The following TTC9 variants were observed in gnomAD, a reference collection of about 807,000 sequenced individuals.
TTC9 encodes the protein tetratricopeptide repeat protein 9A.
A neutral mutation model predicts 22.9 loss-of-function variants in TTC9; 13 were observed. That is an observed-to-expected ratio of 0.57 (90% CI 0.37 to 0.90). TTC9 has a LOEUF of 0.90. TTC9 is among the 40% of genes least tolerant of loss of function. The probability of loss-of-function intolerance (pLI) is 0.01; values close to 1 mark genes in which losing one functional copy is unlikely to be tolerated. For missense variants in TTC9, 280 were observed against 291.8 expected (o/e 0.96, Z 0.29); for synonymous variants, 148 against 133.2 (o/e 1.11, Z -0.77).
intron 1 of TTC9, among the ~76,000 whole-genome samples, chr14:70,655,420 C>A (rs1355283116): frequency 1.4e-5 from 2 of 146,046 alleles, no homozygotes; most frequent in African/African-American, 2.5e-5. Flanking sequence ...AAAAAAAAAA[C>A]AAAGAAGAAG....
intron 1 of TTC9, among the ~76,000 whole-genome samples, chr14:70,653,867 G>A (rs1158102379): frequency 1.3e-5 from 2 of 152,222 alleles, no homozygotes; most frequent in African/African-American, 4.8e-5. Context: ...TAACAAGAAA[G>A]AAGGCTTTCT....
Position 70,672,172 on chromosome 14 carries a change from C to T in TTC9, c.*1017C>T, listed in dbSNP as rs1027051251. 6.6e-6 allele frequency: 1 copy of T among 152,266 alleles called. No individual in the cohort carries two copies. The highest frequency in any genetic ancestry group is 6.5e-5 in the Admixed American group (1 of 15,284). The allele number at this position is 152,266 out of a possible 1,614,324, so 9.4% of individuals were successfully genotyped here. On this transcript the variant is annotated 3_prime_UTR_variant, in exon 3 of 3. Transcript: ENST00000256367. Reference sequence around the variant, plus strand: ...TTTGTCCAGTGGCAGACAATGGTGGCTACAGCCTTTGTGCTTTTAAGAGTG... The same window carrying T: ...TTTGTCCAGTGGCAGACAATGGTGGTTACAGCCTTTGTGCTTTTAAGAGTG...
intron 1 of TTC9, among the ~76,000 whole-genome samples, chr14:70,652,022 C>T (rs1268562236): frequency 2.0e-5 from 3 of 152,032 alleles, no homozygotes; most frequent in Admixed American, 2.0e-4. Flanking sequence ...GGCTCTGCTG[C>T]TAACTTGTTC....
intron 1 of TTC9, among the ~76,000 whole-genome samples, chr14:70,659,422 G>C (rs1886114716): frequency 6.6e-6 from 1 of 152,128 alleles, no homozygotes; most frequent in African/African-American, 2.4e-5. Flanking sequence ...GATAGGTGTT[G>C]TTTCAGGAAG....
rs1319154947 is a variant in TTC9, at chr14:70,642,116, G to C, written c.-14G>C. 2.7e-6 allele frequency: 3 copies of C among 1,109,324 alleles called. No individual in the cohort carries two copies. The highest frequency in any genetic ancestry group is 3.3e-6 in the Non-Finnish European group (3 of 909,818). 68.7% of individuals were successfully genotyped at this position (1,109,324 alleles called of 1,614,324 possible). A position where few individuals can be genotyped will look rare whatever the true frequency, so the allele number is the denominator to read the frequency against. ...CAGATCGCGGCGCGCACCAGGCGCC[G>C]GGGCGGCGGCCGAATGGAGAGAAAG... On this transcript the variant is annotated 5_prime_UTR_variant, in exon 1 of 3. Transcript: ENST00000256367.
rs913663161 is a variant in TTC9, at chr14:70,673,429, A to T, written c.*2274A>T. On this transcript the variant is annotated 3_prime_UTR_variant, in exon 3 of 3. Coordinates refer to ENST00000256367, the MANE Select transcript of TTC9 (RefSeq NM_015351.2). ...AGCTCACTCTCTGGAGAAGAGGAAA[A>T]GGAAGAAGCTATTTCAGCTGCCACA... is the stretch of plus-strand genomic sequence containing the variant. The T allele has an allele frequency of 1.3e-5, 2 of 152,234 alleles. No individual in the cohort carries two copies. Among genetic ancestry groups the T allele is most frequent in the African/African-American group, 2.4e-5 (1 of 41,438 alleles). The allele number at this position is 152,234 out of a possible 1,614,324, so 9.4% of individuals were successfully genotyped here.
intron 1 of TTC9, among the ~76,000 whole-genome samples, chr14:70,661,651 TGAG>T (rs1886146218): frequency 6.6e-6 from 1 of 152,030 alleles, no homozygotes; most frequent in Non-Finnish European, 1.5e-5. Flanking sequence ...GGTGCCAGAG[TGAG>T]GAGAACTCAA....
intron 1 of TTC9, among the ~76,000 whole-genome samples, chr14:70,666,944 G>C (rs1169076678): frequency 6.6e-6 from 1 of 152,126 alleles, no homozygotes; most frequent in African/African-American, 2.4e-5. Flanking sequence ...CCCACAAACT[G>C]GGTGACTTGA....
At position 70,655,746 on chromosome 14, in the gene TTC9, A is replaced by T. The variant is rs1375033231; in HGVS notation, c.407-11818A>T. 2.6e-5 allele frequency among the ~76,000 whole-genome samples: 4 copies of T among 152,272 alleles called. No individual in the cohort carries two copies. The East Asian group carries it at 7.7e-4, about 29-fold the overall frequency. On this transcript the variant is annotated intron_variant, in intron 1 of 2. Transcript: ENST00000256367. ...CTTCCTTTTCACATTCCACAGCACC[A>T]CTACACCCAGATGTATAATTTCACT...
intron 1 of TTC9, among the ~76,000 whole-genome samples, chr14:70,667,325 G>C (rs182626654): frequency 4.1e-4 from 63 of 152,328 alleles, no homozygotes; most frequent in Middle Eastern, 3.4e-3. Flanking sequence ...GGTGGTGGAA[G>C]GGTGGGCATA....
At chr14:70,656,226 C>T (rs1886064612) in intron 1 of TTC9, among the ~76,000 whole-genome samples, 1 of 151,454 alleles carries the variant, frequency 6.6e-6, no homozygotes, top group Non-Finnish European at 1.5e-5. Context: ...CACACACACA[C>T]ACACACACAC....
intron 1 of TTC9, among the ~76,000 whole-genome samples, chr14:70,664,229 G>A (rs1886182117): frequency 6.6e-6 from 1 of 151,850 alleles, no homozygotes; most frequent in Admixed American, 6.6e-5. Flanking sequence ...GAGCAATCAG[G>A]AGGCAGCCAG....
intron 2 of TTC9, among the ~76,000 whole-genome samples, chr14:70,669,625 A>T (rs1414823754): frequency 6.6e-6 from 1 of 151,250 alleles, no homozygotes; most frequent in Non-Finnish European, 1.5e-5. Context: ...AAAAGTCTTT[A>T]AAAAACTTTA....
chr14:70,642,357 C>T lies in TTC9; in HGVS notation c.228C>T (p.Ala76=), dbSNP rs1885829300. ...ACAAGGACAAGAAATTCCGTGAAGC[C>T]ATAGGCAAATACCACCGGGCGTTGC... ...QCYKDKKFRE[A]IGKYHRALLE... The change falls in exon 1 of 3, where the codon GCC becomes GCT. Residue 76 remains alanine, a synonymous_variant. Coordinates refer to ENST00000256367, the MANE Select transcript of TTC9 (RefSeq NM_015351.2). 1 of 1,604,490 alleles carries T rather than the reference C, an allele frequency of 6.2e-7. No individual in the cohort carries two copies. The highest frequency in any genetic ancestry group is 8.5e-7 in the Non-Finnish European group (1 of 1,176,242).
chr14:70,656,210 T>TACACACACACAC (rs34334641), intron 1 of TTC9, among the ~76,000 whole-genome samples: 6,517 of 147,946 alleles, frequency 0.044, 192 homozygotes, highest in Middle Eastern at 0.087. Context: ...TTCACCCTGA[T>TACACACACACAC]ACACACACAC....
chr14:70,664,538 C>T (rs948631036), intron 1 of TTC9, among the ~76,000 whole-genome samples: 1 of 152,106 alleles, frequency 6.6e-6, no homozygotes, highest in Admixed American at 6.5e-5. Context: ...CCAGCCTGAC[C>T]AATATGGTGA....
At position 70,671,851 on chromosome 14, in the gene TTC9, A is replaced by G. The variant is rs1332053365; in HGVS notation, c.*696A>G. 1 of 152,130 alleles carries G rather than the reference A, an allele frequency of 6.6e-6. No individual in the cohort carries two copies. Among genetic ancestry groups the G allele is most frequent in the African/African-American group, 2.4e-5 (1 of 41,326 alleles). 9.4% of individuals were successfully genotyped at this position (152,130 alleles called of 1,614,324 possible). A position where few individuals can be genotyped will look rare whatever the true frequency, so the allele number is the denominator to read the frequency against. On this transcript the variant is annotated 3_prime_UTR_variant, in exon 3 of 3. Transcript: ENST00000256367. Reference sequence around the variant, plus strand: ...ACACATACCATTCCCCCGGACTCCCACCCAGCAGGCAGCTGTGACCGCAGA... The same window carrying G: ...ACACATACCATTCCCCCGGACTCCCGCCCAGCAGGCAGCTGTGACCGCAGA...
intron 1 of TTC9, among the ~76,000 whole-genome samples, chr14:70,666,295 G>A (rs552577666): frequency 7.2e-5 from 11 of 152,254 alleles, no homozygotes; most frequent in African/African-American, 2.6e-4. Flanking sequence ...GGCTGTTTGT[G>A]GGATGGGGAA....
intron 1 of TTC9, among the ~76,000 whole-genome samples, chr14:70,652,578 C>CA (rs149214707): frequency 6.6e-6 from 1 of 152,194 alleles, no homozygotes; most frequent in East Asian, 1.9e-4. Flanking sequence ...GCAGTGAAAA[C>CA]AAAAAACAAA....
Sources: allele counts gnomAD v4.1 joint callset (sites outside exome capture counted in the v4.1 genomes callset), GRCh38; gene constraint gnomAD v4.1.1; transcripts MANE v1.5; gene names NCBI Gene and HGNC (gene_info 2026-07-23, HGNC 2026-07-21).